Variants in CKAP2L observed in about 807,000 individuals in gnomAD.
CKAP2L encodes cytoskeleton-associated protein 2-like.
Under a neutral mutation model 65.7 loss-of-function variants are expected in CKAP2L, and 42 were observed. That is an observed-to-expected ratio of 0.64 (90% CI 0.50 to 0.83). The LOEUF (loss-of-function observed/expected upper bound fraction) is 0.83, where lower values mean the gene tolerates loss of function less well. Among genes scored for constraint, CKAP2L ranks in the 40% least tolerant of loss-of-function variants. CKAP2L has a pLI of 0.00. For missense variants in CKAP2L, 908 were observed against 871.0 expected, an observed-to-expected ratio of 1.04 and a Z score of -0.53; for synonymous variants, 325 against 313.5, an observed-to-expected ratio of 1.04 and a Z score of -0.39.
At chr2:112,759,092 T>G in intron 3 of CKAP2L, among the ~76,000 whole-genome samples, 1 of 151,896 alleles carries the variant, frequency 6.6e-6, no homozygotes, top group East Asian at 1.9e-4. Context: ...TCATTACTTT[T>G]TAAAATTAAC....
intron 7 of CKAP2L, chr2:112,742,460 G>A (rs764849603): frequency 1.4e-6 from 1 of 717,884 alleles, no homozygotes; most frequent in Non-Finnish European, 2.6e-6. Flanking sequence ...GGATTCCAAG[G>A]AAGTGGGACA....
rs757447326 is a variant in CKAP2L at position 112,742,735 on chromosome 2, A to T, written c.1793T>A (p.Ile598Asn). ...TGTGGTTCTGTTTGAGTCTTGCAAG[A>T]TATTAAGAACAACTTTCCGCAACTC... is the stretch of plus-strand genomic sequence containing the variant. ...IQELRKVVLN[I>N]LQDSNRTTEG... Residue 598 changes from isoleucine to asparagine, a missense_variant, in exon 7 of 9, where the codon ATC becomes AAC. Coordinates refer to ENST00000302450, the MANE Select transcript of CKAP2L (RefSeq NM_152515.5). The T allele has an allele frequency of 6.2e-7, 1 of 1,608,912 alleles. No individual in the cohort carries two copies. Among genetic ancestry groups the T allele is most frequent in the Admixed American group, 1.7e-5 (1 of 59,302 alleles).
rs201715689 is a variant in CKAP2L, at chr2:112,762,521, A to T, written c.86T>A (p.Leu29Gln). ...AACTCACTTGGTGTTTTGGCTCTTC[A>T]GTTTTCCCTTGGCTGCAAGGTACTC... ...LQEYLAAKGKLKSQNTKPYLK... is the reference protein window; with the variant it reads ...LQEYLAAKGKQKSQNTKPYLK... The change falls in exon 2 of 9, where the codon CTG becomes CAG. Residue 29 changes from leucine (L) to glutamine (Q), a missense_variant. Leu to Gln is a moderately radical substitution (Grantham distance 113). Transcript: ENST00000302450. 1.2e-6 allele frequency: 2 copies of T among 1,613,906 alleles called. No individual in the cohort carries two copies. Among genetic ancestry groups the T allele is most frequent in the Middle Eastern group, 1.6e-4 (1 of 6,084 alleles).
chr2:112,755,396 TC>T (rs1047430138), intron 4 of CKAP2L, among the ~76,000 whole-genome samples: 1 of 152,194 alleles, frequency 6.6e-6, no homozygotes, highest in Non-Finnish European at 1.5e-5. Flanking sequence ...CACCTCGGCC[TC>T]CCAAAGTGCT....
At chr2:112,741,239 C>A (rs1235257008) in intron 7 of CKAP2L, among the ~76,000 whole-genome samples, 2 of 152,152 alleles carry the variant, frequency 1.3e-5, no homozygotes, top group Non-Finnish European at 2.9e-5. Flanking sequence ...CCCGAGACTG[C>A]TGTACGTAGA....
intron 6 of CKAP2L, among the ~76,000 whole-genome samples, chr2:112,743,640 G>A (rs970904245): frequency 1.3e-5 from 2 of 151,822 alleles, no homozygotes; most frequent in Non-Finnish European, 2.9e-5. Context: ...GTTTCGCTAC[G>A]TTGGCCAGGC....
intron 5 of CKAP2L, among the ~76,000 whole-genome samples, chr2:112,748,704 A>T (rs1363912895): frequency 6.6e-6 from 1 of 152,100 alleles, no homozygotes; most frequent in Non-Finnish European, 1.5e-5. Flanking sequence ...CTACAAAAAA[A>T]TGTAAACTAT....
intron 5 of CKAP2L, among the ~76,000 whole-genome samples, chr2:112,749,030 A>G (rs558151476): frequency 6.6e-6 from 1 of 152,248 alleles, no homozygotes; most frequent in Non-Finnish European, 1.5e-5. Flanking sequence ...AATTCATGTA[A>G]GCTGAATTAC....
intron 2 of CKAP2L, among the ~76,000 whole-genome samples, chr2:112,761,813 A>G (rs1680731957): frequency 6.6e-6 from 1 of 152,242 alleles, no homozygotes. Context: ...TATAGGTACT[A>G]AATAAATATT....
intron 3 of CKAP2L, among the ~76,000 whole-genome samples, chr2:112,759,769 T>C (rs1170752421): frequency 1.3e-5 from 2 of 152,224 alleles, no homozygotes; most frequent in East Asian, 3.8e-4. Context: ...TATGTCTACA[T>C]ATGCATATGC....
At chr2:112,742,245 C>T (rs1287519501) in intron 7 of CKAP2L, among the ~76,000 whole-genome samples, 1 of 152,202 alleles carries the variant, frequency 6.6e-6, no homozygotes. Context: ...ATATATGTCT[C>T]ATAGAAGAGT....
At chr2:112,764,124 A>G (rs889841410) in intron 1 of CKAP2L, 18 of 226,804 alleles carry the variant, frequency 7.9e-5, no homozygotes, top group African/African-American at 3.9e-4. Context: ...GTGTGGAGTG[A>G]GAGCCCCGCC....
chr2:112,749,365 G>GAA (rs1316646696), intron 5 of CKAP2L, among the ~76,000 whole-genome samples: 12 of 152,210 alleles, frequency 7.9e-5, no homozygotes, highest in Admixed American at 2.6e-4. Flanking sequence ...AAAATTGACA[G>GAA]ACATATGAAG....
chr2:112,750,715 ATTAC>A (rs1175641114), intron 5 of CKAP2L, among the ~76,000 whole-genome samples: 1 of 152,136 alleles, frequency 6.6e-6, no homozygotes. Flanking sequence ...GATAAAGAGT[ATTAC>A]TTAGTCAAAT....
rs1448592191 is a variant in CKAP2L at position 112,739,064 on chromosome 2, A to T, written c.2013-16T>A. ...CCCATTTATTCTGAGAGACAGCAAG[A>T]GATGCATTAAAAACCTTATCATTTA... On this transcript the variant is annotated splice_polypyrimidine_tract_variant and intron_variant, in intron 8 of 8. Transcript: ENST00000302450. 1 of 1,577,422 alleles carries T rather than the reference A, an allele frequency of 6.3e-7. No homozygotes were observed. Among genetic ancestry groups the T allele is most frequent in the African/African-American group, 1.3e-5 (1 of 74,324 alleles).
chr2:112,741,378 C>A (rs1679952112), intron 7 of CKAP2L, among the ~76,000 whole-genome samples: 1 of 152,204 alleles, frequency 6.6e-6, no homozygotes, highest in Admixed American at 6.5e-5. Context: ...TCTTGACTCA[C>A]TAAGGTTAAC....
chr2:112,740,316 T>A (rs1340882098), intron 8 of CKAP2L, among the ~76,000 whole-genome samples: 1 of 152,224 alleles, frequency 6.6e-6, no homozygotes, highest in Non-Finnish European at 1.5e-5. Flanking sequence ...CAGATCATGA[T>A]CAGAGAAGAG....
intron 1 of CKAP2L, among the ~76,000 whole-genome samples, chr2:112,763,127 G>A (rs1047249818): frequency 6.6e-6 from 1 of 152,142 alleles, no homozygotes; most frequent in Non-Finnish European, 1.5e-5. Context: ...ACAATCCAAT[G>A]AGTTTTTGCA....
At position 112,738,947 on chromosome 2, in the gene CKAP2L, T is replaced by C. The variant is rs1558750120; in HGVS notation, c.2114A>G (p.Gln705Arg). 10 of 1,614,224 alleles carry C rather than the reference T, an allele frequency of 6.2e-6. No individual in the cohort carries two copies. The East Asian group carries it at 2.0e-4, about 32-fold the overall frequency. The change falls in exon 9 of 9, where the codon CAG becomes CGG. Residue 705 changes from glutamine (Q) to arginine (R), a missense_variant. Physicochemically the swap from Gln to Arg is conservative, Grantham distance 43. Transcript: ENST00000302450. ...AGAAGCCACTACTAAATCGTGTTCCTGCAGCATTTCTGGGTAGCGGGACAC... is the reference window on the plus strand; with the variant it reads ...AGAAGCCACTACTAAATCGTGTTCCCGCAGCATTTCTGGGTAGCGGGACAC... ...RAVSRYPEML[Q>R]EHDLVVASLD...
Sources: gnomAD v4.1 joint callset for allele counts (sites outside exome capture counted in the v4.1 genomes callset) on GRCh38, gnomAD v4.1.1 for gene constraint, MANE v1.5 for transcripts, NCBI Gene and HGNC (gene_info 2026-07-23, HGNC 2026-07-21) for gene names.